CNMD: variants seen among roughly 807,000 people sequenced by gnomAD.
The protein encoded by CNMD is leukocyte cell-derived chemotaxin 1.
A neutral mutation model predicts 37.5 loss-of-function variants in CNMD; 30 were observed. The observed-to-expected ratio is 0.80, with a 90% CI of 0.60 to 1.09. The LOEUF (loss-of-function observed/expected upper bound fraction) is 1.09, where lower values mean the gene tolerates loss of function less well. Among genes scored for constraint, CNMD ranks in the 50% least tolerant of loss-of-function variants. The pLI, the probability that CNMD is intolerant of heterozygous loss-of-function variation, is 0.00. For missense variants in CNMD, 398 were observed against 423.9 expected, an observed-to-expected ratio of 0.94 and a Z score of 0.54; for synonymous variants, 167 against 148.2, an observed-to-expected ratio of 1.13 and a Z score of -0.92.
chr13:52,715,148 A>G (rs1964350330), intron 4 of CNMD, among the ~76,000 whole-genome samples: 1 of 152,180 alleles, frequency 6.6e-6, no homozygotes, highest in South Asian at 2.1e-4. Flanking sequence ...CAATCCAGTT[A>G]TACTGTTAGT....
chr13:52,733,844 TCA>T (rs1964714544), intron 2 of CNMD, among the ~76,000 whole-genome samples: 2 of 152,240 alleles, frequency 1.3e-5, no homozygotes. Context: ...CAGTGGCACC[TCA>T]GTTTCACAAG....
rs1346404605 is a variant in CNMD at position 52,712,826 on chromosome 13, A to G, written c.512T>C (p.Ile171Thr). The change falls in exon 5 of 7, where the codon ATC (isoleucine) becomes ACC (threonine). Residue 171 changes from isoleucine (I) to threonine (T), a missense_variant. Ile to Thr is a moderately conservative substitution (Grantham distance 89). Transcript: ENST00000377962. ...MPVKYEENSL[I>T]WVAVDQPVKD... ...CACAGGCTGATCTACAGCCACCCAG[A>G]TAAGAGAATTTTCTTCATATTTGAC... 3 of 1,588,928 alleles carry G rather than the reference A, an allele frequency of 1.9e-6. No homozygotes were observed. Among genetic ancestry groups the G allele is most frequent in the Non-Finnish European group, 2.6e-6 (3 of 1,168,258 alleles).
chr13:52,724,299 C>T (rs543003521), intron 3 of CNMD, among the ~76,000 whole-genome samples, 189 bp from the exon 4 acceptor site: 4 of 151,574 alleles, frequency 2.6e-5, no homozygotes, highest in East Asian at 1.9e-4. Context: ...GGCGGCCTGG[C>T]GCGGTGGCTC....
intron 4 of CNMD, among the ~76,000 whole-genome samples, chr13:52,713,857 T>C (rs1964329099): frequency 6.6e-6 from 1 of 152,228 alleles, no homozygotes; most frequent in South Asian, 2.1e-4. Context: ...TGCATATAGA[T>C]GCATCCTCCA....
chr13:52,714,992 C>T (rs1429894876), intron 4 of CNMD, among the ~76,000 whole-genome samples: 1 of 152,086 alleles, frequency 6.6e-6, no homozygotes, highest in African/African-American at 2.4e-5. Flanking sequence ...AAGATTCTTA[C>T]ACCTATTTTC....
chr13:52,728,542 G>A (rs1964613107), intron 3 of CNMD, among the ~76,000 whole-genome samples: 1 of 152,136 alleles, frequency 6.6e-6, no homozygotes, highest in Admixed American at 6.5e-5. Context: ...GAGAATAACT[G>A]CTTTCTCTTA....
At chr13:52,711,848 G>GTA (rs35673304) in intron 5 of CNMD, among the ~76,000 whole-genome samples, 81,177 of 151,844 alleles carry the variant, frequency 0.53, 21,905 homozygotes, top group East Asian at 0.74. Flanking sequence ...AAATGAAACT[G>GTA]TACCTATTAA....
intron 2 of CNMD, among the ~76,000 whole-genome samples, chr13:52,737,065 G>A (rs1964780879): frequency 6.6e-6 from 1 of 152,164 alleles, no homozygotes; most frequent in Non-Finnish European, 1.5e-5. Flanking sequence ...ATTACAGCTG[G>A]TTCTCCTCTA....
intron 4 of CNMD, among the ~76,000 whole-genome samples, chr13:52,714,577 AAAT>A (rs2138233604): frequency 6.6e-6 from 1 of 152,348 alleles, no homozygotes; most frequent in Non-Finnish European, 1.5e-5. Flanking sequence ...TGGTATTTAA[AAAT>A]AGTTATTTTT....
At chr13:52,708,813 C>A in intron 5 of CNMD, 111 bp from the exon 6 acceptor site, 1 of 870,542 alleles carries the variant, frequency 1.1e-6, no homozygotes, top group South Asian at 1.8e-5. Flanking sequence ...TGTGCATAAC[C>A]AGATGGCTTA....
intron 5 of CNMD, among the ~76,000 whole-genome samples, chr13:52,710,647 T>C (rs1964276659): frequency 1.3e-5 from 2 of 152,242 alleles, no homozygotes; most frequent in Non-Finnish European, 2.9e-5. Context: ...TTGTAAAATA[T>C]AACTGTACTT....
At chr13:52,736,017 G>A (rs1225102572) in intron 2 of CNMD, among the ~76,000 whole-genome samples, 4 of 145,924 alleles carry the variant, frequency 2.7e-5, no homozygotes, top group East Asian at 2.0e-4. Flanking sequence ...TTTTTGAGAC[G>A]GAGTCTTGCT....
In CNMD at chr13:52,739,144, A is replaced by G; in HGVS notation, c.100T>C (p.Ser34Pro). ...ACCTTGAGCAGCCGCGCGGGGCTGG[A>G]GGGCTTCACCGTCAGCGTAGCGTAC... is the stretch of plus-strand genomic sequence containing the variant. ...PAYATLTVKPSSPARLLKVGA... is the reference protein window; with the variant it reads ...PAYATLTVKPPSPARLLKVGA... The change falls in exon 2 of 7, where the codon TCC becomes CCC. Residue 34 changes from serine to proline, a missense_variant. Ser to Pro is a moderately conservative substitution (Grantham distance 74). Coordinates refer to ENST00000377962, the MANE Select transcript of CNMD (RefSeq NM_007015.3). This position sits in a 1 kb window ranked among gnomAD's most constrained non-coding sequence, Gnocchi z 5.4. 6.5e-7 allele frequency: 1 copy of G among 1,534,162 alleles called. No homozygotes were observed. Among genetic ancestry groups the G allele is most frequent in the Non-Finnish European group, 8.7e-7 (1 of 1,147,664 alleles).
intron 6 of CNMD, among the ~76,000 whole-genome samples, chr13:52,707,870 G>C (rs1482437803): frequency 6.6e-6 from 1 of 152,022 alleles, no homozygotes; most frequent in Admixed American, 6.6e-5. Context: ...CATCTTGGGA[G>C]GCCAAGGCAG....
At chr13:52,729,078 A>C (rs1449859061) in intron 3 of CNMD, among the ~76,000 whole-genome samples, 1 of 152,174 alleles carries the variant, frequency 6.6e-6, no homozygotes, top group African/African-American at 2.4e-5. Context: ...TCTTTTTTCA[A>C]AACAGTGATG....
chr13:52,712,678 G>A (rs1213968482), intron 5 of CNMD, 38 bp downstream of exon 5: 1 of 1,392,322 alleles, frequency 7.2e-7, no homozygotes, highest in Non-Finnish European at 9.4e-7. Context: ...CATGAACAGG[G>A]AAAGTTGTAA....
intron 4 of CNMD, among the ~76,000 whole-genome samples, chr13:52,718,902 ATCTG>A (rs1383813738): frequency 1.3e-5 from 2 of 152,060 alleles, no homozygotes; most frequent in African/African-American, 2.4e-5. Context: ...TGTCTCATTG[ATCTG>A]TCTAATATTG....
intron 4 of CNMD, among the ~76,000 whole-genome samples, chr13:52,713,346 T>C (rs751717715): frequency 9.6e-4 from 146 of 152,294 alleles, no homozygotes; most frequent in Non-Finnish European, 1.9e-3. Flanking sequence ...AAAGTATTAT[T>C]TAACATAAAC....
rs887078267 is a variant in CNMD, at chr13:52,714,691, A to G, written c.469-1822T>C. On this transcript the variant is annotated intron_variant, in intron 4 of 6. Transcript: ENST00000377962. The stretch of plus-strand genomic sequence containing the variant: ...ATATGATAAAGCATATGTCCATTAT[A>G]ATCTACATTTTAGAAGAACTAAAGT... 3.3e-5 allele frequency among the ~76,000 whole-genome samples: 5 copies of G among 152,222 alleles called. No individual in the cohort carries two copies. In the South Asian group the frequency reaches 1.0e-3, roughly 31 times the overall value.
Sources: allele counts gnomAD v4.1 joint callset (sites outside exome capture counted in the v4.1 genomes callset), GRCh38; gene constraint gnomAD v4.1.1; non-coding constraint Gnocchi (gnomAD v3.1); transcripts MANE v1.5; gene names NCBI Gene and HGNC (gene_info 2026-07-23, HGNC 2026-07-21).